Variants in CWF19L1 observed in about 807,000 individuals in gnomAD.
CWF19L1 encodes the protein CWF19-like protein 1.
CWF19L1 carries 60 observed loss-of-function variants against 69.7 expected under a neutral mutation model. The observed-to-expected ratio is 0.86, with a 90% confidence interval of 0.70 to 1.07. The LOEUF is 1.07. CWF19L1 is among the 50% of genes least tolerant of loss of function. The probability of loss-of-function intolerance (pLI) is 0.00; values close to 1 mark genes in which losing one functional copy is unlikely to be tolerated. For missense variants in CWF19L1, 591 were observed against 638.9 expected (o/e 0.92, Z 0.81); for synonymous variants, 209 against 222.2 (o/e 0.94, Z 0.53).
chr10:100,243,429 C>T (rs1002096194), intron 10 of CWF19L1, among the ~76,000 whole-genome samples: 2 of 152,058 alleles, frequency 1.3e-5, no homozygotes, highest in Non-Finnish European at 2.9e-5. Context: ...AAATGGCAAA[C>T]TATGGAGATA....
chr10:100,246,738 A>C, intron 8 of CWF19L1, 57 bp downstream of exon 8: 1 of 1,521,998 alleles, frequency 6.6e-7, no homozygotes, highest in African/African-American at 1.4e-5. Context: ...CTTATGTACT[A>C]AACTATAACT....
intron 7 of CWF19L1, chr10:100,248,593 G>T: frequency 1.4e-6 from 1 of 740,554 alleles, no homozygotes; most frequent in South Asian, 1.4e-5. Context: ...CATTGAAGAG[G>T]ATTATGATAA....
chr10:100,238,021 C>G lies in CWF19L1; in HGVS notation c.1254+1G>C. On this transcript the variant is annotated splice_donor_variant, in intron 11 of 13. Transcript: ENST00000354105. LOFTEE classifies it high-confidence loss of function. ...CAAGTTTCTATGAACAGACCACCTA[C>G]CTGTAGCTGGAGGTGATGGCTCTTA... is the stretch of plus-strand genomic sequence containing the variant. 1 of 1,614,018 alleles carries G rather than the reference C, an allele frequency of 6.2e-7. No homozygotes were observed. Among genetic ancestry groups the G allele is most frequent in the Non-Finnish European group, 8.5e-7 (1 of 1,179,844 alleles).
In CWF19L1 at chr10:100,250,318, A is replaced by G. The variant is rs1248397099; in HGVS notation, c.638T>C (p.Leu213Pro). The G allele has an allele frequency of 6.2e-7, 1 of 1,609,370 alleles. No individual in the cohort carries two copies. The highest frequency in any genetic ancestry group is 1.3e-5 in the African/African-American group (1 of 74,992). Residue 213 changes from leucine to proline, a missense_variant, in exon 7 of 14, where the codon CTA becomes CCA. This residue lies in a region of CWF19L1 where 458 missense variants were observed against 489.3 expected (regional missense o/e 0.94). Transcript: ENST00000354105. ...ERLPYRNHIILQENAQHATRF... is the reference protein window; with the variant it reads ...ERLPYRNHIIPQENAQHATRF... ...GGTGGCATGCTGTGCATTTTCCTGT[A>G]GAATGATATGGTTTCTACAACATAT...
At chr10:100,260,132 C>G in intron 4 of CWF19L1, 86 bp downstream of exon 4, 1 of 792,238 alleles carries the variant, frequency 1.3e-6, no homozygotes, top group Non-Finnish European at 2.1e-6. Context: ...TGCGCCACTG[C>G]ACTCCAGCCT....
intron 9 of CWF19L1, 35 bp from the exon 10 acceptor site, chr10:100,243,812 C>A (rs779511052): frequency 6.5e-7 from 1 of 1,528,648 alleles, no homozygotes; most frequent in Admixed American, 1.7e-5. Context: ...TTACTATGGT[C>A]CAAGCACTAC....
intron 5 of CWF19L1, 144 bp downstream of exon 5, chr10:100,256,118 G>A (rs796385273): frequency 1.6e-6 from 1 of 638,094 alleles, no homozygotes; most frequent in South Asian, 2.0e-5. Flanking sequence ...AGAACTTTTA[G>A]AATCCTGAAA....
chr10:100,241,198 G>C (rs977825969), intron 10 of CWF19L1, among the ~76,000 whole-genome samples: 1 of 151,724 alleles, frequency 6.6e-6, no homozygotes, highest in Admixed American at 6.6e-5. Context: ...GTAGAGACAG[G>C]GTTTCACCTT....
intron 4 of CWF19L1, among the ~76,000 whole-genome samples, chr10:100,257,690 CTA>C (rs1847261305): frequency 1.3e-5 from 2 of 152,106 alleles, no homozygotes; most frequent in African/African-American, 4.8e-5. Flanking sequence ...TCTCCTGAAA[CTA>C]TGTTATCTTC....
rs149689491 is a variant in CWF19L1 at position 100,242,307 on chromosome 10, A to G, written c.1044+1391T>C. 2.0e-5 allele frequency among the ~76,000 whole-genome samples: 3 copies of G among 152,294 alleles called. No homozygotes were observed. In the East Asian group the frequency reaches 5.8e-4, roughly 29 times the overall value. ...TTAGTAAGCTACACCCTCCACTACT[A>G]AGCAAAACTGAAATTTTATCTTTGA... On this transcript the variant is annotated intron_variant, in intron 10 of 13. Transcript: ENST00000354105.
chr10:100,238,346 T>G, intron 10 of CWF19L1, 115 bp from the exon 11 acceptor site: 1 of 825,494 alleles, frequency 1.2e-6, no homozygotes. Flanking sequence ...CTTGAGGTTA[T>G]TAATAAAAAT....
At chr10:100,235,987 A>G (rs559448396) in intron 12 of CWF19L1, among the ~76,000 whole-genome samples, 1 of 152,310 alleles carries the variant, frequency 6.6e-6, no homozygotes, top group South Asian at 2.1e-4. Context: ...TTCCTACCTT[A>G]GGAAATTCTA....
chr10:100,256,438 T>C lies in CWF19L1; in HGVS notation c.328A>G (p.Ile110Val). Residue 110 changes from isoleucine (I) to valine (V), a missense_variant, in exon 5 of 14, where the codon ATT becomes GTT. Physicochemically the swap from Ile to Val is conservative, Grantham distance 29 (BLOSUM62 3). Around this residue, in one of 3 missense-constraint regions of CWF19L1, gnomAD observed 129 missense variants for 131.3 expected, o/e 0.98. Transcript: ENST00000354105. The stretch of plus-strand genomic sequence containing the variant: ...GATTCTGTCCCACTGAGGTACACAA[T>C]CTGCAGCCCCGAGCTTCCAGTGAAG... ...GIFTGSSGLQ[I>V]VYLSGTESLN... is the part of the protein sequence containing the mutation. 1 of 1,614,142 alleles carries C rather than the reference T, an allele frequency of 6.2e-7. No homozygotes were observed. Among genetic ancestry groups the C allele is most frequent in the South Asian group, 1.1e-5 (1 of 91,090 alleles).
chr10:100,248,204 G>C, intron 7 of CWF19L1: 3 of 695,630 alleles, frequency 4.3e-6, no homozygotes, highest in Admixed American at 4.5e-5. Flanking sequence ...ATAGGCTGGG[G>C]AATTTATGTG....
Position 100,246,074 on chromosome 10 carries a change from A to G in CWF19L1, c.850-161T>C. 3 of 567,286 alleles carry G rather than the reference A, an allele frequency of 5.3e-6. No homozygotes were observed. The Admixed American group carries it at 9.0e-5, about 17-fold the overall frequency. The allele number at this position is 567,286 out of a possible 1,614,324, so 35.1% of individuals were successfully genotyped here. ...GAAGCAAAATATCTTCCCAGTTCTG[A>G]TGCCTGAAGTCTCAGTCATACATCA... On this transcript the variant is annotated intron_variant, in intron 8 of 13. Transcript: ENST00000354105.
At chr10:100,244,356 T>C (rs1325094327) in intron 9 of CWF19L1, among the ~76,000 whole-genome samples, 4 of 152,190 alleles carry the variant, frequency 2.6e-5, no homozygotes, top group Non-Finnish European at 5.9e-5. Context: ...GTCAGGCCAT[T>C]CTTATTTTAT....
chr10:100,266,752 G>C (rs1847604706), intron 1 of CWF19L1, among the ~76,000 whole-genome samples: 1 of 146,172 alleles, frequency 6.8e-6, no homozygotes, highest in South Asian at 2.2e-4. Flanking sequence ...ACTCCTGACC[G>C]CAAGTGATCC....
intron 9 of CWF19L1, 65 bp from the exon 10 acceptor site, chr10:100,243,842 G>T: frequency 7.7e-7 from 1 of 1,300,688 alleles, no homozygotes; most frequent in Non-Finnish European, 1.1e-6. Flanking sequence ...TCACCCCACA[G>T]AACTCAGCTT....
intron 5 of CWF19L1, among the ~76,000 whole-genome samples, chr10:100,255,292 GTGGAT>G (rs1472725159): frequency 6.6e-6 from 1 of 152,178 alleles, no homozygotes; most frequent in Admixed American, 6.5e-5. Flanking sequence ...GCCAAGGCGG[GTGGAT>G]CACTAGAGCG....
Sources: allele counts gnomAD v4.1 joint callset (sites outside exome capture counted in the v4.1 genomes callset), GRCh38; gene constraint gnomAD v4.1.1; regional missense constraint gnomAD v4.1.1; transcripts MANE v1.5; gene names NCBI Gene and HGNC (gene_info 2026-07-23, HGNC 2026-07-21).